MAGI2: variants seen among roughly 807,000 people sequenced by gnomAD.
MAGI2 encodes membrane associated guanylate kinase, WW and PDZ domain containing 2.
In MAGI2, 35 loss-of-function variants were observed where a neutral mutation model predicts 133.3. The ratio of observed to expected loss-of-function variants is 0.26; its 90% CI spans 0.20 to 0.35. The LOEUF is 0.35. MAGI2 is among the 10% of genes least tolerant of loss of function. MAGI2 has a pLI of 1.00. For synonymous variants in MAGI2, 729 were observed against 710.6 expected, an observed-to-expected ratio of 1.03 and a Z score of -0.41; for missense variants, 1,636 against 1,863.4, an observed-to-expected ratio of 0.88 and a Z score of 2.25.
intron 3 of MAGI2, among the ~76,000 whole-genome samples, chr7:78,546,188 T>A (rs1798816352): frequency 6.6e-6 from 1 of 152,198 alleles, no homozygotes; most frequent in Non-Finnish European, 1.5e-5. Context: ...AAATTTATAA[T>A]GCTATCTTGA....
chr7:78,126,740 C>G (rs761485119), intron 19 of MAGI2, among the ~76,000 whole-genome samples: 1 of 152,236 alleles, frequency 6.6e-6, no homozygotes, highest in Non-Finnish European at 1.5e-5. Context: ...CTTATTCTTA[C>G]GCACAGGGGC....
intron 1 of MAGI2, among the ~76,000 whole-genome samples, chr7:79,199,131 C>T (rs1489403124): frequency 6.6e-6 from 1 of 151,998 alleles, no homozygotes; most frequent in Non-Finnish European, 1.5e-5. Flanking sequence ...TAGATTATTA[C>T]ATTGAAATAC....
In MAGI2 at chr7:78,602,407, A is replaced by G. The variant is rs181809774; in HGVS notation, c.538+24713T>C. 7.8e-4 allele frequency among the ~76,000 whole-genome samples: 119 copies of G among 152,262 alleles called. 2 individuals are homozygous for G. The highest frequency in any genetic ancestry group is 2.7e-3 in the African/African-American group (114 of 41,572). On this transcript the variant is annotated intron_variant, in intron 3 of 21. Transcript: ENST00000354212. ...ACTTCTGACCTCAGGTGATCCACCC[A>G]TCTTGGCCTCCCAAAGTGCTGGGAT...
intron 6 of MAGI2, among the ~76,000 whole-genome samples, chr7:78,386,656 G>C (rs112021429): frequency 2.0e-5 from 3 of 152,272 alleles, no homozygotes; most frequent in African/African-American, 7.2e-5. Context: ...AGCCCAAGTG[G>C]AGCTGTGATT....
At chr7:79,019,800 C>A (rs1460950256) in intron 1 of MAGI2, among the ~76,000 whole-genome samples, 3 of 152,152 alleles carry the variant, frequency 2.0e-5, no homozygotes, top group African/African-American at 7.2e-5. Context: ...CTGCCTTGTC[C>A]TCCCAAAGTT....
intron 2 of MAGI2, among the ~76,000 whole-genome samples, chr7:78,654,006 A>T (rs1811867836): frequency 6.6e-6 from 1 of 152,202 alleles, no homozygotes; most frequent in Non-Finnish European, 1.5e-5. Flanking sequence ...AATTACAAGA[A>T]ATTGTTCAGC....
intron 2 of MAGI2, among the ~76,000 whole-genome samples, chr7:78,662,442 T>C (rs972166094): frequency 6.6e-6 from 1 of 152,220 alleles, no homozygotes; most frequent in Admixed American, 6.5e-5. Flanking sequence ...TCTATATAAA[T>C]TCTATCTTAG....
intron 20 of MAGI2, among the ~76,000 whole-genome samples, chr7:78,124,791 G>A (rs1820807701): frequency 6.6e-6 from 1 of 151,532 alleles, no homozygotes; most frequent in Non-Finnish European, 1.5e-5. Flanking sequence ...CCATCAATCA[G>A]ATGCCTCAAA....
chr7:78,065,093 G>C lies in MAGI2; in HGVS notation c.3706+13854C>G, dbSNP rs117865356. ...AGGATCTTGTCCTGATTGGATAACTGCCACAGAGCAGGCTGGGAAATACCC... is the reference window on the plus strand; with the variant it reads ...AGGATCTTGTCCTGATTGGATAACTCCCACAGAGCAGGCTGGGAAATACCC... On this transcript the variant is annotated intron_variant, in intron 21 of 21. Transcript: ENST00000354212. Among the ~76,000 whole-genome samples, 940 of 152,184 alleles carry C rather than the reference G, an allele frequency of 6.2e-3. 5 individuals are homozygous for C. Among genetic ancestry groups the C allele is most frequent in the South Asian group, 0.01 (50 of 4,806 alleles).
intron 3 of MAGI2, among the ~76,000 whole-genome samples, chr7:78,552,154 T>G (rs1799388158): frequency 6.6e-6 from 1 of 151,738 alleles, no homozygotes; most frequent in South Asian, 2.1e-4. Context: ...AACCATAGAC[T>G]TTTAGGTAGA....
intron 1 of MAGI2, among the ~76,000 whole-genome samples, chr7:79,186,217 TA>T (rs1827098089): frequency 1.5e-4 from 4 of 26,404 alleles, no homozygotes; most frequent in African/African-American, 2.0e-4. Context: ...TATATATATA[TA>T]TATATATATA....
chr7:79,440,376 G>A (rs539581259), intron 1 of MAGI2, among the ~76,000 whole-genome samples: 1 of 151,970 alleles, frequency 6.6e-6, no homozygotes, highest in African/African-American at 2.4e-5. Context: ...TTTGTGGCTG[G>A]TTTGCTTTCT....
chr7:78,243,180 G>T (rs1299644986), intron 10 of MAGI2, among the ~76,000 whole-genome samples: 1 of 151,138 alleles, frequency 6.6e-6, no homozygotes, highest in Admixed American at 6.6e-5. Flanking sequence ...ATATTTGGGG[G>T]TAAAGGAACA....
chr7:78,599,198 TACAC>T (rs1283340219), intron 3 of MAGI2, among the ~76,000 whole-genome samples: 1 of 152,134 alleles, frequency 6.6e-6, no homozygotes, highest in African/African-American at 2.4e-5. Context: ...GACCATTCCA[TACAC>T]ACACACAATC....
rs1294481487 is a variant in MAGI2, at chr7:78,019,651, G to A, written c.4032C>T (p.Ala1344=). ...CGAGCCCGGGCGCCCTGGCCTCCGA[G>A]GCGGGCCTGCCGGCCTCGGGCCGCC... ...GQGRPEAGRP[A]SEARAPGLAA... is the part of the protein sequence containing the mutation. Residue 1344 remains alanine, a synonymous_variant, in exon 22 of 22, where the codon GCC becomes GCT. Coordinates refer to ENST00000354212, the MANE Select transcript of MAGI2 (RefSeq NM_012301.4). 1.7e-6 allele frequency: 2 copies of A among 1,153,444 alleles called. No individual in the cohort carries two copies. The highest frequency in any genetic ancestry group is 1.7e-5 in the African/African-American group (1 of 60,566). The allele number at this position is 1,153,444 out of a possible 1,614,324, so 71.5% of individuals were successfully genotyped here.
chr7:79,053,397 ATAAACTT>A (rs1812856826), intron 1 of MAGI2, among the ~76,000 whole-genome samples: 1 of 152,214 alleles, frequency 6.6e-6, no homozygotes, highest in Non-Finnish European at 1.5e-5. Context: ...ATGAAAATGT[ATAAACTT>A]TATGCCCAGC....
At chr7:79,437,362 A>T (rs940487836) in intron 1 of MAGI2, among the ~76,000 whole-genome samples, 4 of 152,076 alleles carry the variant, frequency 2.6e-5, no homozygotes, top group Non-Finnish European at 5.9e-5. Flanking sequence ...TTAAAAGAAG[A>T]TATTTTTCTT....
At chr7:79,012,549 C>A (rs1039402389) in intron 1 of MAGI2, among the ~76,000 whole-genome samples, 2 of 152,048 alleles carry the variant, frequency 1.3e-5, no homozygotes, top group African/African-American at 2.4e-5. Context: ...TATCTTCTTC[C>A]ACGTCTAAAG....
chr7:78,245,948 C>T (rs1204530787), intron 10 of MAGI2, among the ~76,000 whole-genome samples: 1 of 152,146 alleles, frequency 6.6e-6, no homozygotes, highest in Non-Finnish European at 1.5e-5. Flanking sequence ...GGCACCCTCC[C>T]ATGCCTAAGG....
Sources: allele counts gnomAD v4.1 joint callset (sites outside exome capture counted in the v4.1 genomes callset), GRCh38; gene constraint gnomAD v4.1.1; transcripts MANE v1.5; gene names NCBI Gene and HGNC (gene_info 2026-07-23, HGNC 2026-07-21).